Variants in CTNNAL1 observed in about 807,000 individuals in gnomAD.
CTNNAL1 encodes catenin alpha like 1.
Under a neutral mutation model 93.6 loss-of-function variants are expected in CTNNAL1, and 69 were observed. That is an observed-to-expected ratio of 0.74 (90% CI 0.61 to 0.90). The LOEUF (loss-of-function observed/expected upper bound fraction) is 0.90. Ranked by LOEUF, CTNNAL1 falls within the 40% of genes least tolerant of loss-of-function variation. The probability of loss-of-function intolerance (pLI) is 0.00; values close to 1 mark genes in which losing one functional copy is unlikely to be tolerated. For missense variants in CTNNAL1, 836 were observed against 862.0 expected, an observed-to-expected ratio of 0.97 and a Z score of 0.38; for synonymous variants, 286 against 305.4, an observed-to-expected ratio of 0.94 and a Z score of 0.66.
intron 17 of CTNNAL1, 61 bp from the exon 18 acceptor site, chr9:108,943,105 TTTA>T: frequency 7.1e-7 from 1 of 1,405,998 alleles, no homozygotes; most frequent in South Asian, 1.3e-5. Context: ...GACCTTACCA[TTTA>T]TTTAGTTTTA....
chr9:108,955,693 A>T, intron 12 of CTNNAL1, 97 bp downstream of exon 12: 1 of 1,063,012 alleles, frequency 9.4e-7, no homozygotes. Flanking sequence ...CTGTCATGTC[A>T]ATTATTTGTG....
At chr9:108,961,223 A>G (rs1830813513) in intron 11 of CTNNAL1, among the ~76,000 whole-genome samples, 1 of 152,132 alleles carries the variant, frequency 6.6e-6, no homozygotes. Context: ...TGAAGAATAC[A>G]CCTTTGTATG....
At chr9:108,968,127 G>A (rs1383066345) in intron 10 of CTNNAL1, among the ~76,000 whole-genome samples, 1 of 152,168 alleles carries the variant, frequency 6.6e-6, no homozygotes, top group Non-Finnish European at 1.5e-5. Context: ...CTAGATTTTG[G>A]CATTGCTCTC....
At chr9:109,010,906 T>C (rs748831116) in intron 1 of CTNNAL1, among the ~76,000 whole-genome samples, 7 of 152,230 alleles carry the variant, frequency 4.6e-5, no homozygotes, top group Non-Finnish European at 8.8e-5. Context: ...GTATGTACCA[T>C]TGATGATGTT....
intron 4 of CTNNAL1, among the ~76,000 whole-genome samples, chr9:108,987,673 C>T (rs551372978): frequency 4.6e-5 from 7 of 152,148 alleles, no homozygotes; most frequent in African/African-American, 1.7e-4. Flanking sequence ...ATGGAATGTT[C>T]TTCCATTTGT....
intron 2 of CTNNAL1, 120 bp from the exon 3 acceptor site, chr9:108,992,939 G>A (rs1385949053): frequency 1.1e-5 from 12 of 1,109,834 alleles, no homozygotes; most frequent in Middle Eastern, 4.3e-4. Flanking sequence ...CTTACTTCAG[G>A]AACAAGAAAC....
intron 1 of CTNNAL1, among the ~76,000 whole-genome samples, chr9:109,011,900 T>C (rs1229042166): frequency 2.0e-5 from 3 of 152,216 alleles, no homozygotes; most frequent in Non-Finnish European, 4.4e-5. Context: ...ATGGATAAAA[T>C]ACTATCAACT....
Position 108,981,280 on chromosome 9 carries a change from T to G in CTNNAL1, c.901-1799A>C, listed in dbSNP as rs913376244. On this transcript the variant is annotated intron_variant, in intron 6 of 18. Transcript: ENST00000325551. ...TTAGAAAAATAATCTCTAAGATCTC[T>G]TTCAGCAATAAAATTTCTAAGAGAA... Among the ~76,000 whole-genome samples, 13 of 152,368 alleles carry G rather than the reference T, an allele frequency of 8.5e-5. No homozygotes were observed. In the East Asian group the frequency reaches 2.3e-3, roughly 27 times the overall value.
rs1473996094 is a variant in CTNNAL1, at chr9:108,990,848, G to A, written c.520-3C>T. The A allele has an allele frequency of 6.2e-7, 1 of 1,610,584 alleles. No homozygotes were observed. Among genetic ancestry groups the A allele is most frequent in the Admixed American group, 1.7e-5 (1 of 59,256 alleles). ...AGTCTTTCCATAGTTGCGAGAACCT[G>A]CAAAACAGATAATAATTCATTATTT... is the stretch of plus-strand genomic sequence containing the variant. On this transcript the variant is annotated splice_polypyrimidine_tract_variant and splice_region_variant and intron_variant, in intron 3 of 18. Transcript: ENST00000325551.
At chr9:108,955,881 T>A (rs1207078196) in intron 11 of CTNNAL1, 54 bp from the exon 12 acceptor site, 21 of 1,104,322 alleles carry the variant, frequency 1.9e-5, no homozygotes, top group Non-Finnish European at 1.3e-6. Context: ...TATTTTTCTA[T>A]TATTCATAGT....
intron 1 of CTNNAL1, 39 bp from the exon 2 acceptor site, chr9:108,999,295 C>CT (rs777921316): frequency 3.2e-4 from 489 of 1,530,748 alleles, no homozygotes; most frequent in Admixed American, 1.0e-3. Flanking sequence ...ATCTCAATAC[C>CT]TTTTCTTTTT....
rs112283133 is a variant in CTNNAL1 at position 108,947,393 on chromosome 9, G to A, written c.1884+793C>T. Among the ~76,000 whole-genome samples, 403 of 152,200 alleles carry A rather than the reference G, an allele frequency of 2.6e-3. 2 individuals are homozygous for A. Among genetic ancestry groups the A allele is most frequent in the African/African-American group, 9.0e-3 (375 of 41,536 alleles). Reference sequence around the variant, plus strand: ...CTCCCAAAGTGCTGGGATTACAGGCGTGAGCCACCGCGCCTGGCCTAAAGT... The same window carrying A: ...CTCCCAAAGTGCTGGGATTACAGGCATGAGCCACCGCGCCTGGCCTAAAGT... On this transcript the variant is annotated intron_variant, in intron 15 of 18. Coordinates refer to ENST00000325551, the MANE Select transcript of CTNNAL1 (RefSeq NM_003798.4).
intron 14 of CTNNAL1, among the ~76,000 whole-genome samples, chr9:108,950,308 G>A (rs915237793): frequency 9.2e-5 from 14 of 152,114 alleles, no homozygotes; most frequent in African/African-American, 3.1e-4. Flanking sequence ...TTTTAAAAAG[G>A]TATGAACTTA....
chr9:108,975,611 C>G (rs1469362635), intron 8 of CTNNAL1, among the ~76,000 whole-genome samples: 1 of 152,120 alleles, frequency 6.6e-6, no homozygotes, highest in East Asian at 1.9e-4. Flanking sequence ...AAACAGGGAA[C>G]AGGGGAGAAG....
chr9:108,984,414 T>A lies in CTNNAL1; in HGVS notation c.662A>T (p.Lys221Met), dbSNP rs375438314. The A allele has an allele frequency of 6.2e-7, 1 of 1,606,078 alleles. No homozygotes were observed. The highest frequency in any genetic ancestry group is 1.1e-5 in the South Asian group (1 of 90,858). Reference sequence around the variant, plus strand: ...TGCCCTAGCTGCTGCCATTTTTGCCTTTTTCTTTTCATCTTTCAAATCCTA... The same window carrying A: ...TGCCCTAGCTGCTGCCATTTTTGCCATTTTCTTTTCATCTTTCAAATCCTA... ...RQNDLKDEKK[K>M]AKMAAARAVL... Residue 221 changes from lysine (K) to methionine (M), a missense_variant, in exon 5 of 19, where the codon AAG (lysine) becomes ATG (methionine). Physicochemically the swap from Lys to Met is moderately conservative, Grantham distance 95. Transcript: ENST00000325551.
Position 108,980,688 on chromosome 9 carries a change from C to T in CTNNAL1, c.901-1207G>A, listed in dbSNP as rs575441786. ...AGATAATAGTAAGGTATGGAATTTA[C>T]AATGGGGATCTTCTCAGAGAATTAA... On this transcript the variant is annotated intron_variant, in intron 6 of 18. Transcript: ENST00000325551. Among the ~76,000 whole-genome samples, 15 of 152,208 alleles carry T rather than the reference C, an allele frequency of 9.9e-5. No homozygotes were observed. In the East Asian group the frequency reaches 2.9e-3, roughly 29 times the overall value.
At chr9:108,976,414 C>G (rs914287959) in intron 8 of CTNNAL1, among the ~76,000 whole-genome samples, 3 of 152,006 alleles carry the variant, frequency 2.0e-5, no homozygotes, top group Non-Finnish European at 4.4e-5. Context: ...TGATGGAATT[C>G]TAGGTTATTA....
chr9:108,955,672 C>T (rs538787631), intron 12 of CTNNAL1, 118 bp downstream of exon 12: 1 of 888,570 alleles, frequency 1.1e-6, no homozygotes, highest in Non-Finnish European at 1.8e-6. Flanking sequence ...CATTAATATC[C>T]TAACTTTTTT....
At chr9:108,945,639 T>TTTG (rs1564118829) in intron 15 of CTNNAL1, among the ~76,000 whole-genome samples, 2 of 150,936 alleles carry the variant, frequency 1.3e-5, no homozygotes, top group African/African-American at 4.9e-5. Context: ...TTTTTTTTTT[T>TTTG]TTTGTTTTGT....
Sources: allele counts gnomAD v4.1 joint callset (sites outside exome capture counted in the v4.1 genomes callset), GRCh38; gene constraint gnomAD v4.1.1; transcripts MANE v1.5; gene names NCBI Gene and HGNC (gene_info 2026-07-23, HGNC 2026-07-21).